Variants in SHLD3 observed in about 807,000 individuals in gnomAD.
SHLD3 encodes the protein shieldin complex subunit 3.
SHLD3 carries 15 observed loss-of-function variants against 21.4 expected under a neutral mutation model. That is an observed-to-expected ratio of 0.70 (90% CI 0.47 to 1.08). The LOEUF is 1.08. SHLD3 is among the 50% of genes least tolerant of loss of function. SHLD3 has a pLI of 0.00. For synonymous variants in SHLD3, 103 were observed against 97.2 expected, an observed-to-expected ratio of 1.06 and a Z score of -0.35; for missense variants, 273 against 286.1, an observed-to-expected ratio of 0.95 and a Z score of 0.33.
chr5:65,628,574 C>A (rs754764517), intron 1 of SHLD3, among the ~76,000 whole-genome samples: 1 of 151,568 alleles, frequency 6.6e-6, no homozygotes, highest in African/African-American at 2.4e-5. Flanking sequence ...CGGGTTCAAG[C>A]GATTCTCCTC....
rs1459001064 is a variant in SHLD3, at chr5:65,630,411, TTTA to T, written c.*72_*74del. ...ATGGATTGAAATAGATAAAATAATT[TTTA>T]CAGGTTTTAAAATTTTTAATGACTT... On this transcript the variant is annotated 3_prime_UTR_variant, in exon 2 of 2. Transcript: ENST00000510585. 3.6e-6 allele frequency: 5 copies of T among 1,403,036 alleles called. No homozygotes were observed. Among genetic ancestry groups the T allele is most frequent in the Non-Finnish European group, 4.6e-6 (5 of 1,083,960 alleles). The allele number at this position is 1,403,036 out of a possible 1,614,324, so 86.9% of individuals were successfully genotyped here. A position where few individuals can be genotyped will look rare whatever the true frequency, so the allele number is the denominator to read the frequency against.
chr5:65,629,165 A>G, intron 1 of SHLD3, among the ~76,000 whole-genome samples: 1 of 152,286 alleles, frequency 6.6e-6, no homozygotes. Context: ...AAGTTTTAAG[A>G]CTATTATTAC....
chr5:65,625,245 G>A, intron 1 of SHLD3, 139 bp downstream of exon 1: 1 of 735,838 alleles, frequency 1.4e-6, no homozygotes, highest in Admixed American at 2.4e-5. Flanking sequence ...CCAAGCGGGA[G>A]GAAGCGATTT....
intron 1 of SHLD3, among the ~76,000 whole-genome samples, chr5:65,628,924 TCTC>T (rs753539785): frequency 3.8e-4 from 58 of 152,044 alleles, no homozygotes; most frequent in Middle Eastern, 6.8e-3. Context: ...TTCAAGCTAT[TCTC>T]CTGCCTCAGC....
At chr5:65,626,557 G>A (rs926630080) in intron 1 of SHLD3, among the ~76,000 whole-genome samples, 2 of 152,114 alleles carry the variant, frequency 1.3e-5, no homozygotes, top group African/African-American at 4.8e-5. Context: ...CTAACATAGT[G>A]AAACCCCGTC....
chr5:65,629,636 A>T lies in SHLD3; in HGVS notation c.49A>T (p.Thr17Ser), dbSNP rs187442387. 1 of 1,536,004 alleles carries T rather than the reference A, an allele frequency of 6.5e-7. No homozygotes were observed. The highest frequency in any genetic ancestry group is 8.7e-7 in the Non-Finnish European group (1 of 1,146,852). Residue 17 changes from threonine (T) to serine (S), a missense_variant, in exon 2 of 2, where the codon ACA becomes TCA. Coordinates refer to ENST00000510585, the MANE Select transcript of SHLD3 (RefSeq NM_001365341.2). ...TTATCGACCATGTGAGAGTGATCCC[A>T]CACAACTGCCAAAAATTGCAGAAAA... is the stretch of plus-strand genomic sequence containing the variant. ...LHYRPCESDP[T>S]QLPKIAEKAI...
At position 65,630,222 on chromosome 5, in the gene SHLD3, G is replaced by T; in HGVS notation, c.635G>T (p.Trp212Leu). Residue 212 changes from tryptophan (W) to leucine (L), a missense_variant, in exon 2 of 2, where the codon TGG becomes TTG. By Grantham distance (61) the Trp-to-Leu change is moderately conservative (BLOSUM62 -2). Coordinates refer to ENST00000510585, the MANE Select transcript of SHLD3 (RefSeq NM_001365341.2). Reference sequence around the variant, plus strand: ...ATTCAGAGGCATTTAGGCCAAATATGGGTGTTCTGTGATATTATGTATTGT... The same window carrying T: ...ATTCAGAGGCATTTAGGCCAAATATTGGTGTTCTGTGATATTATGTATTGT... ...ATIQRHLGQI[W>L]VFCDIMYCEY... 6.5e-7 allele frequency: 1 copy of T among 1,535,880 alleles called. No individual in the cohort carries two copies. The highest frequency in any genetic ancestry group is 8.7e-7 in the Non-Finnish European group (1 of 1,146,792).
rs766038506 is a variant in SHLD3 at position 65,625,102 on chromosome 5, A to G, written c.-125A>G. ...CTAAACAGGAGCACCTGCTGGCGCTAAAAGGTAAACTTTTGCGAACCTGAT... is the reference window on the plus strand; with the variant it reads ...CTAAACAGGAGCACCTGCTGGCGCTGAAAGGTAAACTTTTGCGAACCTGAT... On this transcript the variant is annotated 5_prime_UTR_variant, in exon 1 of 2. Coordinates refer to ENST00000510585, the MANE Select transcript of SHLD3 (RefSeq NM_001365341.2). 4 of 1,613,618 alleles carry G rather than the reference A, an allele frequency of 2.5e-6. No individual in the cohort carries two copies. The South Asian group carries it at 4.4e-5, about 18-fold the overall frequency.
rs1480217238 is a variant in SHLD3 at position 65,629,456 on chromosome 5, C to T, written c.-120-12C>T. The T allele has an allele frequency of 7.8e-6, 11 of 1,413,424 alleles. No homozygotes were observed. In the East Asian group the frequency reaches 2.3e-4, roughly 29 times the overall value. The allele number at this position is 1,413,424 out of a possible 1,614,324, so 87.6% of individuals were successfully genotyped here. A position where few individuals can be genotyped will look rare whatever the true frequency, so the allele number is the denominator to read the frequency against. Reference sequence around the variant, plus strand: ...CTACCATATCTTATTCTTTGCAATACTTCTACTTTAGGTCCTGTTTCCCTC... The same window carrying T: ...CTACCATATCTTATTCTTTGCAATATTTCTACTTTAGGTCCTGTTTCCCTC... On this transcript the variant is annotated splice_polypyrimidine_tract_variant and intron_variant, in intron 1 of 1. Transcript: ENST00000510585.
intron 1 of SHLD3, among the ~76,000 whole-genome samples, chr5:65,627,842 G>C (rs1238509283): frequency 1.3e-5 from 2 of 152,136 alleles, no homozygotes. Flanking sequence ...TTTGAGAGTT[G>C]TCAGATCTGT....
In SHLD3 at chr5:65,629,879, A is replaced by T; in HGVS notation, c.292A>T (p.Lys98Ter). The T allele has an allele frequency of 6.5e-7, 1 of 1,536,140 alleles. No individual in the cohort carries two copies. The highest frequency in any genetic ancestry group is 8.7e-7 in the Non-Finnish European group (1 of 1,146,902). ...TCTATTGGAGTTTCAACCTAGCTTGAAAAAGCAGCATTTAACCTGGTCACA... is the reference window on the plus strand; with the variant it reads ...TCTATTGGAGTTTCAACCTAGCTTGTAAAAGCAGCATTTAACCTGGTCACA... ...VDLLEFQPSL[K>*]KQHLTWSHTL... The change falls in exon 2 of 2, where the codon AAA becomes TAA. Residue 98 changes from lysine to a stop codon, truncating the protein, a stop_gained. Coordinates refer to ENST00000510585, the MANE Select transcript of SHLD3 (RefSeq NM_001365341.2). LOFTEE classifies it high-confidence loss of function.
Position 65,630,283 on chromosome 5 carries a change from T to C in SHLD3, c.696T>C (p.Ala232=). Residue 232 remains alanine, a synonymous_variant, in exon 2 of 2, where the codon GCT becomes GCC. Transcript: ENST00000510585. ...YVGSLLKGRL[A]LTGKINLFVH... ...GAAGTCTTCTTAAAGGAAGATTAGCTCTTACTGGAAAAATTAATTTATTTG... is the reference window on the plus strand; with the variant it reads ...GAAGTCTTCTTAAAGGAAGATTAGCCCTTACTGGAAAAATTAATTTATTTG... The C allele has an allele frequency of 1.3e-6, 2 of 1,532,940 alleles. No homozygotes were observed. The highest frequency in any genetic ancestry group is 1.7e-6 in the Non-Finnish European group (2 of 1,145,138). The allele number at this position is 1,532,940 out of a possible 1,614,324, so 95.0% of individuals were successfully genotyped here.
At chr5:65,628,632 C>T (rs1040511730) in intron 1 of SHLD3, among the ~76,000 whole-genome samples, 1 of 151,798 alleles carries the variant, frequency 6.6e-6, no homozygotes, top group Middle Eastern at 3.4e-3. Flanking sequence ...CCACCACAGC[C>T]GGCTATTTTT....
chr5:65,626,770 A>G (rs1459030655), intron 1 of SHLD3, among the ~76,000 whole-genome samples: 1 of 151,978 alleles, frequency 6.6e-6, no homozygotes, highest in Non-Finnish European at 1.5e-5. Flanking sequence ...AATTCCAGTG[A>G]TACAGAGACT....
At chr5:65,625,132 C>G in intron 1 of SHLD3, 26 bp downstream of exon 1, 1 of 1,602,480 alleles carries the variant, frequency 6.2e-7, no homozygotes, top group South Asian at 1.1e-5. Flanking sequence ...CCTGATTCCC[C>G]CTTTTCTGTT....
chr5:65,627,400 G>A (rs1009226726), intron 1 of SHLD3, among the ~76,000 whole-genome samples: 2 of 151,818 alleles, frequency 1.3e-5, no homozygotes, highest in Non-Finnish European at 2.9e-5. Flanking sequence ...GTTGGGTGAG[G>A]TGGCTGATCA....
chr5:65,630,620 G>T lies in SHLD3; in HGVS notation c.*280G>T. 3 of 1,055,324 alleles carry T rather than the reference G, an allele frequency of 2.8e-6. No individual in the cohort carries two copies. Among genetic ancestry groups the T allele is most frequent in the Non-Finnish European group, 3.4e-6 (3 of 875,534 alleles). 65.4% of individuals were successfully genotyped at this position (1,055,324 alleles called of 1,614,324 possible). A position where few individuals can be genotyped will look rare whatever the true frequency, so the allele number is the denominator to read the frequency against. On this transcript the variant is annotated 3_prime_UTR_variant, in exon 2 of 2. Transcript: ENST00000510585. ...AATTAAGTTGTATAGTTTGGATTTT[G>T]GTTAATCTCTAAAATCTAATTTTAC...
intron 1 of SHLD3, among the ~76,000 whole-genome samples, chr5:65,628,902 C>G (rs2150659644): frequency 6.6e-6 from 1 of 151,970 alleles, no homozygotes; most frequent in Middle Eastern, 3.4e-3. Context: ...ACTGCAACCT[C>G]TGGCTCCCAG....
chr5:65,625,261 G>A, intron 1 of SHLD3, 155 bp downstream of exon 1: 1 of 668,956 alleles, frequency 1.5e-6, no homozygotes, highest in Non-Finnish European at 2.7e-6. Context: ...GATTTCTCCT[G>A]GATGCTTTTT....
Sources: allele counts gnomAD v4.1 joint callset (sites outside exome capture counted in the v4.1 genomes callset), GRCh38; gene constraint gnomAD v4.1.1; transcripts MANE v1.5; gene names NCBI Gene and HGNC (gene_info 2026-07-23, HGNC 2026-07-21).